SNTB2: variants seen among roughly 807,000 people sequenced by gnomAD.
SNTB2 encodes syntrophin beta 2.
SNTB2 carries 34 observed loss-of-function variants against 46.2 expected under a neutral mutation model. The ratio of observed to expected loss-of-function variants is 0.74; its 90% CI spans 0.56 to 0.98. The LOEUF (loss-of-function observed/expected upper bound fraction) is 0.98, where lower values mean the gene tolerates loss of function less well. Ranked by LOEUF, SNTB2 falls within the 50% of genes least tolerant of loss-of-function variation. The probability of loss-of-function intolerance (pLI) is 0.00; values close to 1 mark genes in which losing one functional copy is unlikely to be tolerated. For synonymous variants in SNTB2, 290 were observed against 312.6 expected (o/e 0.93, Z 0.76); for missense variants, 603 against 731.4 (o/e 0.82, Z 2.02).
chr16:69,290,794 A>G (rs1200689005), intron 5 of SNTB2, among the ~76,000 whole-genome samples: 1 of 152,156 alleles, frequency 6.6e-6, no homozygotes, highest in Non-Finnish European at 1.5e-5. Context: ...AGATGTTGTC[A>G]CCTGCATTTT....
At position 69,292,401 on chromosome 16, in the gene SNTB2, TATATA is replaced by T. The variant is rs1567416441; in HGVS notation, c.1346-7188_1346-7184del. Among the ~76,000 whole-genome samples, 7 of 24,872 alleles carry T rather than the reference TATATA, an allele frequency of 2.8e-4. 1 individual carries two copies. The highest frequency in any genetic ancestry group is 2.6e-3 in the African/African-American group (6 of 2,276). 16.3% of individuals were successfully genotyped at this position (24,872 alleles called of 152,430 possible). A position where few individuals can be genotyped will look rare whatever the true frequency, so the allele number is the denominator to read the frequency against. On this transcript the variant is annotated intron_variant, in intron 5 of 6. Coordinates refer to ENST00000336278, the MANE Select transcript of SNTB2 (RefSeq NM_006750.4). ...ATATTATATATATATTATATATATA[TATATA>T]TTATATATATATTATATATATATAT...
chr16:69,246,738 C>T (rs1456988812), intron 2 of SNTB2, among the ~76,000 whole-genome samples: 1 of 147,390 alleles, frequency 6.8e-6, no homozygotes, highest in Non-Finnish European at 1.5e-5. Context: ...ACAATTTCAG[C>T]TCCTGTTATT....
At position 69,187,223 on chromosome 16, in the gene SNTB2, G is replaced by C. The variant is rs1443372786; in HGVS notation, c.57G>C (p.Trp19Cys). Residue 19 changes from tryptophan to cysteine, a missense_variant, in exon 1 of 7, where the codon TGG (tryptophan) becomes TGC (cysteine). This residue lies in a region of SNTB2 where 66 missense variants were observed against 39.0 expected (regional missense o/e 1.69). Transcript: ENST00000336278. ...GAGCGGGGCCGGCCATGGCGGTGTG[G>C]ACGCGGGCCACCAAAGCGGGGCTGG... ...AAGAGPAMAV[W>C]TRATKAGLVE... 10 of 1,447,288 alleles carry C rather than the reference G, an allele frequency of 6.9e-6. No homozygotes were observed. The African/African-American group carries it at 1.0e-4, about 15-fold the overall frequency. 89.7% of individuals were successfully genotyped at this position (1,447,288 alleles called of 1,614,324 possible). A position where few individuals can be genotyped will look rare whatever the true frequency, so the allele number is the denominator to read the frequency against.
At chr16:69,211,537 A>G (rs754935138) in intron 1 of SNTB2, among the ~76,000 whole-genome samples, 1,200 of 103,268 alleles carry the variant, frequency 0.012, 7 homozygotes, top group Non-Finnish European at 0.018. Flanking sequence ...ATCTCAAGGG[A>G]AAAAAAAAAA....
chr16:69,204,676 G>C (rs922158791), intron 1 of SNTB2, among the ~76,000 whole-genome samples: 1 of 152,182 alleles, frequency 6.6e-6, no homozygotes, highest in Non-Finnish European at 1.5e-5. Flanking sequence ...AGAACATTGA[G>C]TTTTAAATGG....
intron 6 of SNTB2, 129 bp downstream of exon 6, chr16:69,299,903 A>C: frequency 4.9e-6 from 5 of 1,017,256 alleles, no homozygotes; most frequent in Non-Finnish European, 6.9e-6. Flanking sequence ...AAATTAAAAA[A>C]AATTTTTTTA....
intron 5 of SNTB2, among the ~76,000 whole-genome samples, chr16:69,297,618 A>G (rs1425725857): frequency 1.3e-5 from 2 of 149,202 alleles, no homozygotes; most frequent in African/African-American, 4.9e-5. Context: ...TCTGTCTCCA[A>G]AAAAAAAAAG....
At chr16:69,287,527 G>A (rs144574025) in intron 5 of SNTB2, among the ~76,000 whole-genome samples, 134 of 152,124 alleles carry the variant, frequency 8.8e-4, no homozygotes, top group African/African-American at 2.9e-3. Flanking sequence ...CCAGGATTGC[G>A]CCACTGCACT....
rs1020903475 is a variant in SNTB2, at chr16:69,306,130, A to G, written c.*5206A>G. The G allele has an allele frequency of 6.6e-5, 10 of 152,220 alleles. No individual in the cohort carries two copies. The highest frequency in any genetic ancestry group is 2.4e-4 in the African/African-American group (10 of 41,446). 9.4% of individuals were successfully genotyped at this position (152,220 alleles called of 1,614,324 possible). ...AACCTTTCTCTAAAAAAACAAAAACATCTGGCAGATGAGTGACACAAATTC... is the reference window on the plus strand; with the variant it reads ...AACCTTTCTCTAAAAAAACAAAAACGTCTGGCAGATGAGTGACACAAATTC... On this transcript the variant is annotated 3_prime_UTR_variant, in exon 7 of 7. Transcript: ENST00000336278.
At chr16:69,278,457 GTT>G (rs34221812) in intron 4 of SNTB2, among the ~76,000 whole-genome samples, 5 of 140,294 alleles carry the variant, frequency 3.6e-5, no homozygotes, top group African/African-American at 1.1e-4. Flanking sequence ...TTTTTGTAGG[GTT>G]TTTTTTTTTT....
At chr16:69,242,406 G>A (rs1321269906) in intron 1 of SNTB2, among the ~76,000 whole-genome samples, 2 of 152,162 alleles carry the variant, frequency 1.3e-5, no homozygotes, top group African/African-American at 4.8e-5. Flanking sequence ...CTGAGGGACA[G>A]AGTGAGACCC....
chr16:69,201,575 A>C (rs913429673), intron 1 of SNTB2, among the ~76,000 whole-genome samples: 25 of 152,298 alleles, frequency 1.6e-4, no homozygotes, highest in African/African-American at 6.0e-4. Flanking sequence ...AACGTTGCTA[A>C]ATCATTGGGT....
At chr16:69,290,976 A>G (rs899790092) in intron 5 of SNTB2, among the ~76,000 whole-genome samples, 1 of 152,232 alleles carries the variant, frequency 6.6e-6, no homozygotes, top group African/African-American at 2.4e-5. Flanking sequence ...ATATTTACTG[A>G]ATGTTTTAGT....
At chr16:69,224,911 T>C (rs1373598884) in intron 1 of SNTB2, among the ~76,000 whole-genome samples, 2 of 152,236 alleles carry the variant, frequency 1.3e-5, no homozygotes, top group Admixed American at 1.3e-4. Flanking sequence ...AGTATGTGGG[T>C]TGACCAGTGT....
intron 1 of SNTB2, among the ~76,000 whole-genome samples, chr16:69,222,718 G>A (rs916557115): frequency 3.9e-5 from 6 of 152,096 alleles, no homozygotes; most frequent in Admixed American, 1.3e-4. Context: ...GGAAAGATAC[G>A]TTTTATTAGT....
Position 69,284,259 on chromosome 16 carries a change from T to A in SNTB2, c.1345+15T>A. On this transcript the variant is annotated intron_variant, in intron 5 of 6. Transcript: ENST00000336278. Reference sequence around the variant, plus strand: ...AGTCTCTCTAGGTAGAGATGCTGACTTTTTATTTCTAGTAGTAATTAAATA... The same window carrying A: ...AGTCTCTCTAGGTAGAGATGCTGACATTTTATTTCTAGTAGTAATTAAATA... The A allele has an allele frequency of 6.3e-7, 1 of 1,581,704 alleles. No individual in the cohort carries two copies. The highest frequency in any genetic ancestry group is 8.6e-7 in the Non-Finnish European group (1 of 1,162,870).
Position 69,187,180 on chromosome 16 carries a change from C to G in SNTB2, c.14C>G (p.Ala5Gly). Residue 5 changes from alanine to glycine, a missense_variant, in exon 1 of 7, where the codon GCG becomes GGG. Ala to Gly is a moderately conservative substitution (Grantham distance 60). Around this residue, in one of 2 missense-constraint regions of SNTB2, gnomAD observed 66 missense variants for 39.0 expected, o/e 1.69. Transcript: ENST00000336278. ...TGCCTGACTGGAATGAGGGTAGCTG[C>G]GGCGACTGCGGCGGCTGGAGCGGGG... Reference protein sequence around the residue: MRVAAATAAAGAGPA... With the variant: MRVAGATAAAGAGPA... 5 of 1,371,352 alleles carry G rather than the reference C, an allele frequency of 3.6e-6. No homozygotes were observed. Among genetic ancestry groups the G allele is most frequent in the Non-Finnish European group, 4.7e-6 (5 of 1,059,666 alleles). The allele number at this position is 1,371,352 out of a possible 1,614,324, so 84.9% of individuals were successfully genotyped here.
chr16:69,245,235 G>A (rs1964658349), intron 1 of SNTB2, among the ~76,000 whole-genome samples: 2 of 152,056 alleles, frequency 1.3e-5, no homozygotes, highest in African/African-American at 4.8e-5. Context: ...GTCTTGCTCT[G>A]TCGCCCAGGC....
Position 69,255,914 on chromosome 16 carries a change from G to A in SNTB2, c.795-4136G>A, listed in dbSNP as rs566052084. On this transcript the variant is annotated intron_variant, in intron 2 of 6. Transcript: ENST00000336278. Reference sequence around the variant, plus strand: ...AAAATTGGTTGGGGTGGGGGGCGACGCAGTGGCTCACGCCTGTAATCCCAG... The same window carrying A: ...AAAATTGGTTGGGGTGGGGGGCGACACAGTGGCTCACGCCTGTAATCCCAG... Among the ~76,000 whole-genome samples the A allele has an allele frequency of 4.7e-3, 702 of 150,522 alleles. 7 individuals are homozygous for A. Among genetic ancestry groups the A allele is most frequent in the Non-Finnish European group, 4.9e-3 (334 of 67,620 alleles).
Sources: gnomAD v4.1 joint callset for allele counts (sites outside exome capture counted in the v4.1 genomes callset) on GRCh38, gnomAD v4.1.1 for gene constraint, gnomAD v4.1.1 regional missense constraint, MANE v1.5 for transcripts, NCBI Gene and HGNC (gene_info 2026-07-23, HGNC 2026-07-21) for gene names.